The following ZNF385D variants were observed in gnomAD, a reference collection of about 807,000 sequenced individuals.
ZNF385D encodes zinc finger protein 385D.
ZNF385D carries 15 observed loss-of-function variants against 35.8 expected under a neutral mutation model. That is an observed-to-expected ratio of 0.42 (90% CI 0.28 to 0.64). The LOEUF is 0.64. ZNF385D is among the 30% of genes least tolerant of loss of function. The pLI is 0.23. For synonymous variants in ZNF385D, 212 were observed against 186.8 expected (o/e 1.13, Z -1.10); for missense variants, 474 against 494.6 (o/e 0.96, Z 0.39).
chr3:21,801,034 T>C (rs1235538412), intron 3 of ZNF385D, among the ~76,000 whole-genome samples: 1 of 152,124 alleles, frequency 6.6e-6, no homozygotes, highest in Non-Finnish European at 1.5e-5. Context: ...TATTCTTAAT[T>C]TGAATTTTGT....
At chr3:21,550,535 T>G (rs575863470) in intron 3 of ZNF385D, among the ~76,000 whole-genome samples, 1 of 152,276 alleles carries the variant, frequency 6.6e-6, no homozygotes, top group Non-Finnish European at 1.5e-5. Context: ...CAGGCTGGAG[T>G]GCAGTGGTGT....
At chr3:21,983,614 G>C (rs1179370507) in intron 3 of ZNF385D, among the ~76,000 whole-genome samples, 1 of 137,618 alleles carries the variant, frequency 7.3e-6, no homozygotes, top group African/African-American at 2.7e-5. Flanking sequence ...GAATAATGCC[G>C]CAATAAACAT....
intron 1 of ZNF385D, among the ~76,000 whole-genome samples, chr3:21,723,286 T>C (rs757846713): frequency 6.6e-5 from 10 of 152,112 alleles, no homozygotes; most frequent in Admixed American, 2.6e-4. Context: ...GAAACAAAAC[T>C]GCATGGAGAA....
At chr3:21,810,060 C>A (rs1237300180) in intron 3 of ZNF385D, among the ~76,000 whole-genome samples, 2 of 151,972 alleles carry the variant, frequency 1.3e-5, no homozygotes, top group South Asian at 2.1e-4. Context: ...GTCCTTGATA[C>A]CAGAACCAAA....
chr3:22,000,030 G>A (rs111618553), intron 3 of ZNF385D, among the ~76,000 whole-genome samples: 2 of 152,148 alleles, frequency 1.3e-5, no homozygotes, highest in Non-Finnish European at 2.9e-5. Flanking sequence ...TCTAGGCCGG[G>A]CATGGTGGCT....
At chr3:22,255,972 A>G (rs1700293934) in intron 2 of ZNF385D, among the ~76,000 whole-genome samples, 1 of 151,668 alleles carries the variant, frequency 6.6e-6, no homozygotes, top group Non-Finnish European at 1.5e-5. Flanking sequence ...CTCACCCTTA[A>G]TCTGGTTGTG....
chr3:21,918,658 C>A (rs1700310134), intron 3 of ZNF385D, among the ~76,000 whole-genome samples: 1 of 152,130 alleles, frequency 6.6e-6, no homozygotes, highest in African/African-American at 2.4e-5. Flanking sequence ...TAAGAAACAA[C>A]AATAAATTAT....
intron 2 of ZNF385D, among the ~76,000 whole-genome samples, chr3:21,620,633 T>C (rs2064978477): frequency 6.6e-6 from 1 of 152,164 alleles, no homozygotes; most frequent in Non-Finnish European, 1.5e-5. Context: ...CTCAGCCCCC[T>C]AAGGGCATTC....
chr3:21,446,239 G>T (rs1348362584), intron 4 of ZNF385D, among the ~76,000 whole-genome samples: 1 of 152,106 alleles, frequency 6.6e-6, no homozygotes, highest in African/African-American at 2.4e-5. Context: ...AGATTAACTG[G>T]TCTCAGCTCT....
intron 2 of ZNF385D, among the ~76,000 whole-genome samples, chr3:21,572,888 C>T (rs538569226): frequency 1.2e-4 from 18 of 152,042 alleles, no homozygotes; most frequent in Non-Finnish European, 2.5e-4. Context: ...TGAGGCACTG[C>T]CCATAAGGAC....
At chr3:21,797,435 T>C (rs2072203621) in intron 3 of ZNF385D, among the ~76,000 whole-genome samples, 2 of 152,196 alleles carry the variant, frequency 1.3e-5, no homozygotes, top group Non-Finnish European at 2.9e-5. Context: ...TGGTGGTTTC[T>C]TACAAAACTA....
chr3:21,543,844 ATGT>A (rs1273152331), intron 3 of ZNF385D, among the ~76,000 whole-genome samples: 3 of 152,098 alleles, frequency 2.0e-5, no homozygotes, highest in Non-Finnish European at 4.4e-5. Context: ...TGAAGCCTCC[ATGT>A]TGTTTTACAT....
intron 3 of ZNF385D, among the ~76,000 whole-genome samples, chr3:21,525,029 A>T (rs1708140418): frequency 6.6e-6 from 1 of 152,206 alleles, no homozygotes; most frequent in Non-Finnish European, 1.5e-5. Flanking sequence ...TGAATGTGCC[A>T]TTCGTTGCTG....
At position 21,810,084 on chromosome 3, in the gene ZNF385D, A is replaced by G. The variant is rs1980141; in HGVS notation, c.326-145056T>C. On this transcript the variant is annotated intron_variant, in intron 3 of 5. Coordinates refer to the ZNF385D transcript ENST00000494108. ...ACCAGAACCAAAGATAGCAAAAGTA[A>G]ATAGACAAATACATTACAAGCCAAT... Among the ~76,000 whole-genome samples, 683 of 152,274 alleles carry G rather than the reference A, an allele frequency of 4.5e-3. 22 individuals are homozygous for G. The highest frequency in any genetic ancestry group is 0.039 in the Admixed American group (595 of 15,282).
intron 2 of ZNF385D, among the ~76,000 whole-genome samples, chr3:21,575,651 T>G (rs2063475923): frequency 6.6e-6 from 1 of 152,208 alleles, no homozygotes; most frequent in Non-Finnish European, 1.5e-5. Context: ...ATGTCTCTTT[T>G]TGCTGAACTC....
At chr3:21,747,448 T>C (rs1250442806) in intron 1 of ZNF385D, among the ~76,000 whole-genome samples, 3 of 152,198 alleles carry the variant, frequency 2.0e-5, no homozygotes, top group African/African-American at 7.2e-5. Context: ...CACACAGAAT[T>C]TCTTCAGCAC....
At chr3:21,576,663 T>C (rs182331647) in intron 2 of ZNF385D, among the ~76,000 whole-genome samples, 102 of 152,330 alleles carry the variant, frequency 6.7e-4, no homozygotes, top group African/African-American at 2.5e-3. Context: ...CATGCTCATA[T>C]ACCTGGTGAT....
intron 3 of ZNF385D, among the ~76,000 whole-genome samples, chr3:22,151,560 T>A (rs1002641806): frequency 2.0e-5 from 3 of 152,150 alleles, no homozygotes; most frequent in Non-Finnish European, 4.4e-5. Flanking sequence ...CAACAAGGTC[T>A]GCGTGTGACT....
intron 5 of ZNF385D, among the ~76,000 whole-genome samples, chr3:21,427,849 C>G (rs1195798369): frequency 6.6e-6 from 1 of 151,942 alleles, no homozygotes; most frequent in Non-Finnish European, 1.5e-5. Flanking sequence ...TTAAATATAC[C>G]CATACCTTAT....
Sources: gnomAD v4.1 joint callset for allele counts (sites outside exome capture counted in the v4.1 genomes callset) on GRCh38, gnomAD v4.1.1 for gene constraint, MANE v1.5 for transcripts, NCBI Gene and HGNC (gene_info 2026-07-23, HGNC 2026-07-21) for gene names.